BCAR3: variants seen among roughly 807,000 people sequenced by gnomAD.
BCAR3 encodes breast cancer anti-estrogen resistance protein 3.
In BCAR3, 37 loss-of-function variants were observed where a neutral mutation model predicts 80.1. The ratio of observed to expected loss-of-function variants is 0.46; its 90% confidence interval spans 0.36 to 0.61. The LOEUF (loss-of-function observed/expected upper bound fraction) is 0.61. BCAR3 is among the 20% of genes least tolerant of loss of function. The pLI is 0.00. For missense variants in BCAR3, 978 were observed against 1,068.2 expected, an observed-to-expected ratio of 0.92 and a Z score of 1.18; for synonymous variants, 389 against 418.9, an observed-to-expected ratio of 0.93 and a Z score of 0.87.
intron 2 of BCAR3, among the ~76,000 whole-genome samples, chr1:93,731,586 AT>A (rs559270601): frequency 1.3e-4 from 20 of 152,224 alleles, no homozygotes; most frequent in African/African-American, 4.8e-4. Context: ...CATGTTCTGA[AT>A]GGGATAAAAA....
At chr1:93,686,036 A>G (rs1467535569), upstream of BCAR3, among the ~76,000 whole-genome samples, 1 of 151,874 alleles carries the variant, frequency 6.6e-6, no homozygotes, top group East Asian at 1.9e-4. Flanking sequence ...AGCTTCACAT[A>G]TTTTTCAATG....
At chr1:93,824,845 G>A (rs1409594287) in intron 2 of BCAR3, among the ~76,000 whole-genome samples, 1 of 134,316 alleles carries the variant, frequency 7.4e-6, no homozygotes. Flanking sequence ...ATTTAACCAA[G>A]TTTCCCTCTG....
intron 2 of BCAR3, among the ~76,000 whole-genome samples, chr1:93,757,962 C>A (rs1046551602): frequency 6.6e-6 from 1 of 152,218 alleles, no homozygotes; most frequent in Non-Finnish European, 1.5e-5. Flanking sequence ...GAGGCCTCAA[C>A]TGATCTCACG....
At chr1:93,562,488 C>A in intron 11 of BCAR3, 69 bp from the exon 12 acceptor site, 2 of 1,502,044 alleles carry the variant, frequency 1.3e-6, no homozygotes, top group Non-Finnish European at 9.1e-7. Flanking sequence ...AGACTGAAAG[C>A]ACCAGGCGCG....
intron 2 of BCAR3, among the ~76,000 whole-genome samples, chr1:93,844,074 C>T (rs929096067): frequency 6.6e-6 from 1 of 152,100 alleles, no homozygotes; most frequent in East Asian, 1.9e-4. Context: ...TTTGGGAGGC[C>T]GAAGCAGGCA....
chr1:93,603,058 C>T (rs1055456738), intron 3 of BCAR3, among the ~76,000 whole-genome samples: 3 of 152,226 alleles, frequency 2.0e-5, no homozygotes, highest in African/African-American at 7.2e-5. Flanking sequence ...TCCTACTTTT[C>T]CCACTGGGAT....
chr1:93,819,152 C>T (rs1489370093), intron 2 of BCAR3, among the ~76,000 whole-genome samples: 27 of 151,668 alleles, frequency 1.8e-4, no homozygotes, highest in African/African-American at 4.6e-4. Context: ...CTGCAATCTC[C>T]GCCTCCCCGG....
chr1:93,773,851 A>G (rs76447918), intron 2 of BCAR3, among the ~76,000 whole-genome samples: 2,363 of 152,204 alleles, frequency 0.016, 56 homozygotes, highest in African/African-American at 0.054. Context: ...CCTTCTAGCC[A>G]GCTCATCCTG....
At position 93,769,118 on chromosome 1, in the gene BCAR3, G is replaced by A. The variant is rs2100739101; in HGVS notation, c.-62-62976C>T. ...CCCAACCCTGGGGGAGGAGACAGAA[G>A]GAGCAGCAGACGATATAACTTCCCG... On this transcript the variant is annotated intron_variant, in intron 2 of 13. Coordinates refer to the BCAR3 transcript ENST00000370244. Among the ~76,000 whole-genome samples, 2 of 152,224 alleles carry A rather than the reference G, an allele frequency of 1.3e-5. 1 individual carries two copies. Among genetic ancestry groups the A allele is most frequent in the African/African-American group, 4.8e-5 (2 of 41,554 alleles).
chr1:93,631,183 T>C (rs1039691394), intron 3 of BCAR3, among the ~76,000 whole-genome samples: 1 of 152,212 alleles, frequency 6.6e-6, no homozygotes, highest in Non-Finnish European at 1.5e-5. Flanking sequence ...CCCCAGTCTC[T>C]ATCTGTCCTC....
At chr1:93,615,706 G>A (rs76189881) in intron 3 of BCAR3, among the ~76,000 whole-genome samples, 5,270 of 152,254 alleles carry the variant, frequency 0.035, 145 homozygotes, top group Non-Finnish European at 0.051. Flanking sequence ...CCTCATTTCC[G>A]TTAGATGGAG....
intron 3 of BCAR3, among the ~76,000 whole-genome samples, chr1:93,598,326 G>A (rs1674507679): frequency 6.6e-6 from 1 of 152,188 alleles, no homozygotes; most frequent in South Asian, 2.1e-4. Context: ...GCATGTAGGA[G>A]ACAGCAGAAT....
intron 3 of BCAR3, among the ~76,000 whole-genome samples, chr1:93,694,901 A>G (rs893477892): frequency 3.9e-5 from 6 of 152,202 alleles, no homozygotes; most frequent in African/African-American, 1.4e-4. Flanking sequence ...GCCTCAAAGT[A>G]AAATGACCTC....
chr1:93,748,695 T>C (rs764728612), intron 2 of BCAR3, among the ~76,000 whole-genome samples: 1 of 152,266 alleles, frequency 6.6e-6, no homozygotes, highest in Non-Finnish European at 1.5e-5. Context: ...TATATATTCT[T>C]ATTGTCTGCA....
intron 3 of BCAR3, among the ~76,000 whole-genome samples, chr1:93,701,699 G>T (rs1004419957): frequency 2.6e-5 from 4 of 152,316 alleles, no homozygotes; most frequent in African/African-American, 7.2e-5. Flanking sequence ...TCCCAGGCCT[G>T]CCCCTGGGCC....
At chr1:93,643,584 T>C (rs576360521) in intron 2 of BCAR3, among the ~76,000 whole-genome samples, 17 of 149,876 alleles carry the variant, frequency 1.1e-4, no homozygotes, top group African/African-American at 4.2e-4. Flanking sequence ...AGAAATTTTT[T>C]TAAAAATACA....
intron 3 of BCAR3, among the ~76,000 whole-genome samples, chr1:93,701,534 G>A (rs1037943400): frequency 1.3e-5 from 2 of 152,194 alleles, no homozygotes; most frequent in African/African-American, 4.8e-5. Context: ...AGATGAAGCC[G>A]AATTAGCAAG....
At chr1:93,776,182 C>T (rs1652539122) in intron 2 of BCAR3, among the ~76,000 whole-genome samples, 1 of 152,050 alleles carries the variant, frequency 6.6e-6, no homozygotes. Flanking sequence ...CTGATACTTC[C>T]CAAGCTGAGA....
intron 3 of BCAR3, among the ~76,000 whole-genome samples, chr1:93,696,214 G>T (rs1285654932): frequency 6.6e-6 from 1 of 152,054 alleles, no homozygotes; most frequent in African/African-American, 2.4e-5. Flanking sequence ...CTTTAGCTTA[G>T]TTTTCACATC....
Sources: allele counts gnomAD v4.1 joint callset (sites outside exome capture counted in the v4.1 genomes callset), GRCh38; gene constraint gnomAD v4.1.1; transcripts MANE v1.5; gene names NCBI Gene and HGNC (gene_info 2026-07-23, HGNC 2026-07-21).